The following TOPAZ1 variants were observed in gnomAD, a reference collection of about 807,000 sequenced individuals.
TOPAZ1 encodes testis and ovary specific TOPAZ 1.
TOPAZ1 carries 66 observed loss-of-function variants against 172.2 expected under a neutral mutation model. The observed-to-expected ratio is 0.38, with a 90% CI of 0.31 to 0.47. The LOEUF (loss-of-function observed/expected upper bound fraction) is 0.47, where lower values mean the gene tolerates loss of function less well. TOPAZ1 is among the 20% of genes least tolerant of loss of function. The probability of loss-of-function intolerance (pLI) is 0.99; values close to 1 mark genes in which losing one functional copy is unlikely to be tolerated. For missense variants in TOPAZ1, 1,822 were observed against 1,972.4 expected, an observed-to-expected ratio of 0.92 and a Z score of 1.44; for synonymous variants, 681 against 683.9, an observed-to-expected ratio of 1.00 and a Z score of 0.07.
rs538765676 is a variant in TOPAZ1, at chr3:44,245,517, G to A, written c.2765+246G>A. On this transcript the variant is annotated intron_variant, in intron 2 of 19. Coordinates refer to ENST00000309765, the MANE Select transcript of TOPAZ1 (RefSeq NM_001145030.2). ...AAAGATTAGCTGTTCAGAATTTATG[G>A]TTCATAGAGTGGCTTTTTTTTTTTT... Among the ~76,000 whole-genome samples the A allele has an allele frequency of 1.8e-3, 261 of 141,432 alleles. 3 individuals carry two copies. Among genetic ancestry groups the A allele is most frequent in the Non-Finnish European group, 2.5e-3 (166 of 65,544 alleles). 92.8% of individuals were successfully genotyped at this position (141,432 alleles called of 152,430 possible). A position where few individuals can be genotyped will look rare whatever the true frequency, so the allele number is the denominator to read the frequency against.
intron 9 of TOPAZ1, among the ~76,000 whole-genome samples, chr3:44,284,993 AT>A (rs1700062464): frequency 6.6e-6 from 1 of 152,210 alleles, no homozygotes; most frequent in Non-Finnish European, 1.5e-5. Context: ...CCAATCAGCT[AT>A]TTAGAAAGAC....
intron 16 of TOPAZ1, among the ~76,000 whole-genome samples, chr3:44,317,113 T>C (rs1700459038): frequency 1.3e-5 from 2 of 152,236 alleles, no homozygotes; most frequent in Middle Eastern, 3.2e-3. Context: ...GGAAATTTGA[T>C]TGGGATTATA....
chr3:44,309,343 C>CA (rs1236891613), intron 15 of TOPAZ1, among the ~76,000 whole-genome samples: 2 of 152,186 alleles, frequency 1.3e-5, no homozygotes, highest in Non-Finnish European at 2.9e-5. Flanking sequence ...TGATCTCAAA[C>CA]TTCTGGGTTC....
intron 12 of TOPAZ1, among the ~76,000 whole-genome samples, chr3:44,295,062 A>G (rs1053264427): frequency 1.2e-4 from 19 of 152,104 alleles, no homozygotes; most frequent in Admixed American, 7.9e-4. Context: ...ACCTTTTTCT[A>G]TATTCCTGTG....
intron 5 of TOPAZ1, among the ~76,000 whole-genome samples, chr3:44,263,246 A>G (rs1490126723): frequency 6.6e-6 from 1 of 152,214 alleles, no homozygotes; most frequent in African/African-American, 2.4e-5. Flanking sequence ...ATTTGGAGAT[A>G]CTAAAGAAAA....
At chr3:44,332,972 T>G (rs1700687190), downstream of TOPAZ1, among the ~76,000 whole-genome samples, 1 of 151,054 alleles carries the variant, frequency 6.6e-6, no homozygotes, top group African/African-American at 2.4e-5. Flanking sequence ...ATAATTTTTG[T>G]TTTTTGGTGT....
chr3:44,258,404 G>A (rs368846615), intron 4 of TOPAZ1, among the ~76,000 whole-genome samples: 166 of 152,256 alleles, frequency 1.1e-3, no homozygotes, highest in African/African-American at 3.8e-3. Context: ...CCGTCACCAC[G>A]TGGATCCCTC....
rs925148938 is a variant in TOPAZ1, at chr3:44,265,961, A to G, written c.3021-1036A>G. Among the ~76,000 whole-genome samples the G allele has an allele frequency of 5.9e-5, 9 of 152,222 alleles. No homozygotes were observed. The South Asian group carries it at 8.3e-4, about 14-fold the overall frequency. On this transcript the variant is annotated intron_variant, in intron 5 of 19. Coordinates refer to ENST00000309765, the MANE Select transcript of TOPAZ1 (RefSeq NM_001145030.2). ...TCCGGTATAAGGCAGTTTTGTCTAC[A>G]TTGAAAATCAGTTTGTTGTAGCTTC...
chr3:44,291,992 A>C (rs1007194638), intron 12 of TOPAZ1, among the ~76,000 whole-genome samples: 1 of 152,184 alleles, frequency 6.6e-6, no homozygotes, highest in African/African-American at 2.4e-5. Flanking sequence ...AGTTAATAGT[A>C]GTCATTTGTT....
intron 7 of TOPAZ1, among the ~76,000 whole-genome samples, chr3:44,269,644 G>T (rs561503989): frequency 2.0e-5 from 3 of 150,314 alleles, no homozygotes; most frequent in Non-Finnish European, 4.4e-5. Context: ...TTTTGAGACG[G>T]AGTCTTGCTC....
intron 4 of TOPAZ1, among the ~76,000 whole-genome samples, chr3:44,257,614 T>G (rs760523671): frequency 6.6e-6 from 1 of 151,784 alleles, no homozygotes; most frequent in South Asian, 2.1e-4. Context: ...GTTGGGCTCC[T>G]GATAAAGTAC....
At chr3:44,318,309 G>T (rs1700472820) in intron 16 of TOPAZ1, among the ~76,000 whole-genome samples, 1 of 152,098 alleles carries the variant, frequency 6.6e-6, no homozygotes, top group Admixed American at 6.6e-5. Context: ...AAAATTAGCT[G>T]GGCGTGGTGG....
At chr3:44,272,744 A>G (rs1699911790) in intron 8 of TOPAZ1, among the ~76,000 whole-genome samples, 1 of 152,126 alleles carries the variant, frequency 6.6e-6, no homozygotes, top group Admixed American at 6.6e-5. Context: ...TATTTTTAGT[A>G]GAGACACAGT....
intron 12 of TOPAZ1, among the ~76,000 whole-genome samples, chr3:44,295,379 G>A (rs897090796): frequency 2.6e-5 from 4 of 152,122 alleles, no homozygotes; most frequent in East Asian, 1.9e-4. Context: ...AAAAAATGAA[G>A]AATTTCTCTA....
intron 15 of TOPAZ1, among the ~76,000 whole-genome samples, chr3:44,308,382 G>A (rs1700359441): frequency 6.6e-6 from 1 of 151,576 alleles, no homozygotes. Context: ...GCGGTGTTTG[G>A]TTTTCTATCC....
chr3:44,246,449 G>C lies in TOPAZ1; in HGVS notation c.2765+1178G>C, dbSNP rs991807430. Among the ~76,000 whole-genome samples the C allele has an allele frequency of 3.3e-5, 5 of 152,012 alleles. No homozygotes were observed. In the Middle Eastern group the frequency reaches 9.5e-3, roughly 289 times the overall value. On this transcript the variant is annotated intron_variant, in intron 2 of 19. Coordinates refer to ENST00000309765, the MANE Select transcript of TOPAZ1 (RefSeq NM_001145030.2). ...GCCATTTATTTGCAGTTACCTTTGT[G>C]GTATCATACTCTTCTTGATGGTCTT...
chr3:44,242,323 C>T lies in TOPAZ1; in HGVS notation c.270C>T (p.Ser90=), dbSNP rs746671200. Residue 90 remains serine, a synonymous_variant, in exon 1 of 20, where the codon AGC becomes AGT. Transcript: ENST00000309765. ...TGGAGGGGCGCAGGGGCCCGGTGAG[C>T]CCGTCAGACTCGTCAGACCCGCGAG... ...RQVEGRRGPV[S]PSDSSDPRGL... The T allele has an allele frequency of 1.3e-6, 2 of 1,552,044 alleles. No homozygotes were observed. Among genetic ancestry groups the T allele is most frequent in the African/African-American group, 2.7e-5 (2 of 73,012 alleles).
chr3:44,246,507 T>G (rs978366384), intron 2 of TOPAZ1, among the ~76,000 whole-genome samples: 9 of 152,232 alleles, frequency 5.9e-5, no homozygotes, highest in African/African-American at 2.2e-4. Context: ...TATCACCAAA[T>G]ATAATGCTGT....
At chr3:44,269,377 C>T (rs1699868324) in intron 7 of TOPAZ1, 76 bp downstream of exon 7, 2 of 799,770 alleles carry the variant, frequency 2.5e-6, no homozygotes, top group Non-Finnish European at 4.2e-6. Flanking sequence ...CCCTCCTCTT[C>T]CTCACTTTCC....
Sources: allele counts gnomAD v4.1 joint callset (sites outside exome capture counted in the v4.1 genomes callset), GRCh38; gene constraint gnomAD v4.1.1; transcripts MANE v1.5; gene names NCBI Gene and HGNC (gene_info 2026-07-23, HGNC 2026-07-21).